Variants in RIMS1 observed in about 807,000 individuals in gnomAD.
RIMS1 encodes the protein regulating synaptic membrane exocytosis 1, also known as regulating synaptic membrane exocytosis protein 1.
Under a neutral mutation model 214.1 loss-of-function variants are expected in RIMS1, and 83 were observed. That is an observed-to-expected ratio of 0.39 (90% CI 0.32 to 0.47). RIMS1 has a LOEUF of 0.47. Among genes scored for constraint, RIMS1 ranks in the 20% least tolerant of loss-of-function variants. RIMS1 has a pLI of 0.99. For missense variants in RIMS1, 2,050 were observed against 2,161.8 expected (o/e 0.95, Z 1.03); for synonymous variants, 793 against 786.8 (o/e 1.01, Z -0.13).
intron 29 of RIMS1, among the ~76,000 whole-genome samples, chr6:72,336,798 G>T (rs1248337285): frequency 1.3e-5 from 2 of 151,716 alleles, no homozygotes; most frequent in Non-Finnish European, 2.9e-5. Context: ...TTGTTTTAGT[G>T]CATAGCCTGA....
chr6:71,938,777 A>G (rs1785205710), intron 1 of RIMS1, among the ~76,000 whole-genome samples: 2 of 152,074 alleles, frequency 1.3e-5, no homozygotes, highest in South Asian at 4.1e-4. Flanking sequence ...TCTTTCTCCT[A>G]TTGTCTTTTG....
At chr6:72,130,806 G>A (rs1352356645) in intron 4 of RIMS1, among the ~76,000 whole-genome samples, 2 of 151,974 alleles carry the variant, frequency 1.3e-5, no homozygotes, top group Non-Finnish European at 2.9e-5. Context: ...AATACACTAA[G>A]GCACTGAAAA....
rs199629596 is a variant in RIMS1, at chr6:72,250,382, A to G, written c.2294A>G (p.Gln765Arg). 7.1e-4 allele frequency: 1,139 copies of G among 1,610,284 alleles called. 1 individual carries two copies. Among genetic ancestry groups the G allele is most frequent in the Non-Finnish European group, 8.2e-4 (963 of 1,177,574 alleles). Residue 765 changes from glutamine to arginine, a missense_variant, in exon 13 of 34, where the codon CAA becomes CGA. Gln to Arg is a conservative substitution (Grantham distance 43). Coordinates refer to ENST00000521978, the MANE Select transcript of RIMS1 (RefSeq NM_014989.7). ...VGHQLIVNVL[Q>R]ATDLPARVDG... The stretch of plus-strand genomic sequence containing the variant: ...CACCAGCTGATTGTAAATGTTCTGC[A>G]AGCAACAGATCTACCTGCTAGAGTA...
At chr6:72,234,371 C>A (rs977528114) in intron 7 of RIMS1, among the ~76,000 whole-genome samples, 1 of 151,858 alleles carries the variant, frequency 6.6e-6, no homozygotes, top group Non-Finnish European at 1.5e-5. Flanking sequence ...GGAAAGAAAG[C>A]AAGTTGTTTA....
intron 1 of RIMS1, among the ~76,000 whole-genome samples, chr6:71,908,476 A>G (rs1296536898): frequency 6.6e-6 from 1 of 152,164 alleles, no homozygotes; most frequent in Non-Finnish European, 1.5e-5. Flanking sequence ...GGAGGTGGAC[A>G]CTGCTTCATA....
At chr6:72,014,036 A>G (rs569506823) in intron 2 of RIMS1, among the ~76,000 whole-genome samples, 2 of 152,300 alleles carry the variant, frequency 1.3e-5, no homozygotes, top group Non-Finnish European at 2.9e-5. Flanking sequence ...CCATTCTCAC[A>G]CTGCTAATAA....
At chr6:71,902,339 G>A (rs1773901710) in intron 1 of RIMS1, among the ~76,000 whole-genome samples, 1 of 152,042 alleles carries the variant, frequency 6.6e-6, no homozygotes, top group Non-Finnish European at 1.5e-5. Context: ...ATTGATTACT[G>A]ATCTACAGAT....
At chr6:72,282,763 A>G (rs926820227) in intron 23 of RIMS1, among the ~76,000 whole-genome samples, 3 of 152,176 alleles carry the variant, frequency 2.0e-5, no homozygotes, top group Admixed American at 6.6e-5. Context: ...AGTGCCTGAC[A>G]TAGTTATCCC....
intron 2 of RIMS1, among the ~76,000 whole-genome samples, chr6:72,005,345 G>A (rs1449906994): frequency 6.6e-6 from 1 of 152,148 alleles, no homozygotes; most frequent in Non-Finnish European, 1.5e-5. Flanking sequence ...GATTGACTTG[G>A]CGATGCGGGC....
In RIMS1 at chr6:72,032,102, C is replaced by A. The variant is rs371563900; in HGVS notation, c.245+63039C>A. 6.6e-5 allele frequency among the ~76,000 whole-genome samples: 10 copies of A among 151,810 alleles called. No individual in the cohort carries two copies. The East Asian group carries it at 1.9e-3, about 29-fold the overall frequency. On this transcript the variant is annotated intron_variant, in intron 2 of 33. Transcript: ENST00000521978. The stretch of plus-strand genomic sequence containing the variant: ...GAATGCAGAGTCTAAAGAACATAAG[C>A]AAAGTTGTATAGGAGAGAGTGAGAG...
chr6:72,250,402 A>G lies in RIMS1; in HGVS notation c.2314A>G (p.Arg772Gly), dbSNP rs2072665639. The change falls in exon 13 of 34, where the codon AGA (arginine) becomes GGA (glycine). Residue 772 changes from arginine (R) to glycine (G), a missense_variant. Transcript: ENST00000521978. ...NVLQATDLPA[R>G]VDGRPRNPYV... ...TCTGCAAGCAACAGATCTACCTGCT[A>G]GAGTAGATGGACGTCCTCGAAATCC... is the stretch of plus-strand genomic sequence containing the variant. The G allele has an allele frequency of 6.2e-7, 1 of 1,601,024 alleles. No individual in the cohort carries two copies. Among genetic ancestry groups the G allele is most frequent in the East Asian group, 2.2e-5 (1 of 44,604 alleles).
At chr6:71,992,595 C>CCTCCTT (rs986937818) in intron 2 of RIMS1, among the ~76,000 whole-genome samples, 6 of 133,754 alleles carry the variant, frequency 4.5e-5, no homozygotes, top group Non-Finnish European at 7.9e-5. Context: ...TCCTTCTCCT[C>CCTCCTT]CTCCTTCTCC....
intron 2 of RIMS1, among the ~76,000 whole-genome samples, chr6:71,973,499 G>A (rs1045418903): frequency 2.6e-5 from 4 of 152,052 alleles, no homozygotes; most frequent in East Asian, 1.9e-4. Flanking sequence ...CTTTGTGAAC[G>A]GCCTAATGCT....
intron 28 of RIMS1, among the ~76,000 whole-genome samples, chr6:72,326,972 G>A (rs1004213346): frequency 3.3e-5 from 5 of 151,676 alleles, no homozygotes; most frequent in African/African-American, 4.8e-5. Context: ...GATGACAGAG[G>A]AAGGGGCCAT....
intron 6 of RIMS1, among the ~76,000 whole-genome samples, chr6:72,225,655 T>TG: frequency 6.6e-6 from 1 of 152,342 alleles, no homozygotes; most frequent in East Asian, 1.9e-4. Flanking sequence ...CAGGGTTTCC[T>TG]GGCTGGTTAT....
chr6:71,988,175 A>G (rs1428815536), intron 2 of RIMS1, among the ~76,000 whole-genome samples: 1 of 152,104 alleles, frequency 6.6e-6, no homozygotes, highest in East Asian at 1.9e-4. Context: ...CAGCAAATCT[A>G]AATTCTTTCA....
At chr6:72,114,190 G>T (rs774336140) in intron 4 of RIMS1, among the ~76,000 whole-genome samples, 1 of 151,988 alleles carries the variant, frequency 6.6e-6, no homozygotes, top group Admixed American at 6.6e-5. Flanking sequence ...TGTAGTAAAT[G>T]TAAGTAAGTC....
At chr6:72,103,517 T>A (rs927534794) in intron 4 of RIMS1, among the ~76,000 whole-genome samples, 5 of 152,252 alleles carry the variant, frequency 3.3e-5, no homozygotes, top group African/African-American at 9.6e-5. Context: ...TAAGGATTCA[T>A]AGTAGGACTA....
chr6:72,214,880 C>T (rs369804275), intron 6 of RIMS1, among the ~76,000 whole-genome samples: 16 of 152,200 alleles, frequency 1.1e-4, no homozygotes, highest in East Asian at 7.7e-4. Flanking sequence ...CACCACCACA[C>T]GCAGCTAATT....
Sources: gnomAD v4.1 joint callset for allele counts (sites outside exome capture counted in the v4.1 genomes callset) on GRCh38, gnomAD v4.1.1 for gene constraint, MANE v1.5 for transcripts, NCBI Gene and HGNC (gene_info 2026-07-23, HGNC 2026-07-21) for gene names.